The following PGM5 variants were observed in gnomAD, a reference collection of about 807,000 sequenced individuals.
PGM5 encodes the protein phosphoglucomutase 5.
PGM5 carries 23 observed loss-of-function variants against 59.2 expected under a neutral mutation model. That is an observed-to-expected ratio of 0.39 (90% confidence interval 0.28 to 0.55). The LOEUF (loss-of-function observed/expected upper bound fraction) is 0.55. Ranked by LOEUF, PGM5 falls within the 20% of genes least tolerant of loss-of-function variation. The probability of loss-of-function intolerance (pLI) is 0.66; values close to 1 mark genes in which losing one functional copy is unlikely to be tolerated. For synonymous variants in PGM5, 214 were observed against 286.0 expected, an observed-to-expected ratio of 0.75 and a Z score of 2.54; for missense variants, 574 against 748.3, an observed-to-expected ratio of 0.77 and a Z score of 2.72.
chr9:68,447,748 C>G (rs1554684099), intron 6 of PGM5, among the ~76,000 whole-genome samples: 1 of 152,122 alleles, frequency 6.6e-6, no homozygotes, highest in African/African-American at 2.4e-5. Flanking sequence ...TCCAGAAATA[C>G]CCATAGAGGT....
At chr9:68,395,650 T>C (rs1436038627) in intron 6 of PGM5, 2 of 152,216 alleles carry the variant, frequency 1.3e-5, no homozygotes, top group Non-Finnish European at 2.9e-5. Flanking sequence ...AGAGATCTTA[T>C]ACAATTTTTG....
intron 7 of PGM5, among the ~76,000 whole-genome samples, chr9:68,476,922 G>T (rs1447937787): frequency 6.6e-6 from 1 of 152,112 alleles, no homozygotes; most frequent in African/African-American, 2.4e-5. Context: ...GGAGTTCGAA[G>T]GTATGCAAAG....
intron 6 of PGM5, among the ~76,000 whole-genome samples, chr9:68,452,707 A>C (rs1312633646): frequency 6.6e-6 from 1 of 152,204 alleles, no homozygotes; most frequent in Non-Finnish European, 1.5e-5. Context: ...TGTCAGCCAC[A>C]TTCACTAGCC....
chr9:68,499,449 A>G, intron 10 of PGM5, 88 bp downstream of exon 10: 2 of 1,330,588 alleles, frequency 1.5e-6, no homozygotes, highest in Non-Finnish European at 1.0e-6. Flanking sequence ...GGGCTATTTT[A>G]CCTCCTGGAA....
intron 6 of PGM5, among the ~76,000 whole-genome samples, chr9:68,404,121 G>GATGTT (rs1554680916): frequency 6.6e-6 from 1 of 151,942 alleles, no homozygotes; most frequent in African/African-American, 2.4e-5. Flanking sequence ...CCTTCTAGAG[G>GATGTT]TTGTTTTGTT....
chr9:68,398,348 C>T (rs1204787442), intron 6 of PGM5: 2 of 151,996 alleles, frequency 1.3e-5, no homozygotes, highest in Non-Finnish European at 2.9e-5. Context: ...AAAGGTCTTA[C>T]TAAAGAGAAT....
chr9:68,393,523 A>G (rs1587788915), intron 6 of PGM5, among the ~76,000 whole-genome samples: 1 of 152,000 alleles, frequency 6.6e-6, no homozygotes, highest in Non-Finnish European at 1.5e-5. Flanking sequence ...AGGTGGGAGG[A>G]TCACTTGAGG....
chr9:68,371,842 T>G (rs548955162), intron 1 of PGM5: 1 of 152,228 alleles, frequency 6.6e-6, no homozygotes, highest in East Asian at 1.9e-4. Context: ...AGAGAAGACA[T>G]AGACACGCAG....
intron 6 of PGM5, among the ~76,000 whole-genome samples, chr9:68,404,270 G>A (rs564001295): frequency 6.6e-6 from 1 of 152,270 alleles, no homozygotes; most frequent in South Asian, 2.1e-4. Flanking sequence ...GGGATTACAG[G>A]CATGTGACAC....
At chr9:68,471,960 G>A (rs572407925) in intron 7 of PGM5, among the ~76,000 whole-genome samples, 5 of 141,336 alleles carry the variant, frequency 3.5e-5, no homozygotes, top group Admixed American at 7.0e-5. Flanking sequence ...GTTCCTATCT[G>A]CCTTGGTGAC....
intron 6 of PGM5, among the ~76,000 whole-genome samples, chr9:68,438,894 T>C (rs1823482655): frequency 6.6e-6 from 1 of 152,110 alleles, no homozygotes; most frequent in Non-Finnish European, 1.5e-5. Flanking sequence ...CTTTCTCTTC[T>C]TTACTCTCTG....
intron 6 of PGM5, among the ~76,000 whole-genome samples, chr9:68,423,788 G>C (rs1358973492): frequency 6.6e-6 from 1 of 152,062 alleles, no homozygotes; most frequent in Non-Finnish European, 1.5e-5. Flanking sequence ...ATGTTCCTCT[G>C]CATGGGAAAA....
At chr9:68,495,101 G>T (rs1478482421) in intron 9 of PGM5, among the ~76,000 whole-genome samples, 1 of 152,202 alleles carries the variant, frequency 6.6e-6, no homozygotes, top group African/African-American at 2.4e-5. Context: ...CCCAGAGCTT[G>T]TTAGCTAATG....
At chr9:68,452,988 C>G (rs1554684509) in intron 6 of PGM5, among the ~76,000 whole-genome samples, 1 of 152,162 alleles carries the variant, frequency 6.6e-6, no homozygotes, top group East Asian at 1.9e-4. Flanking sequence ...TCCCTTGGAC[C>G]CCACCACTAT....
At chr9:68,380,184 C>A (rs1822032258) in intron 2 of PGM5, among the ~76,000 whole-genome samples, 2 of 151,972 alleles carry the variant, frequency 1.3e-5, no homozygotes, top group South Asian at 4.1e-4. Context: ...CCAGGATAGA[C>A]CATATGTTAG....
At chr9:68,376,835 C>CT (rs1444330149) in intron 1 of PGM5, among the ~76,000 whole-genome samples, 22 of 58,598 alleles carry the variant, frequency 3.8e-4, no homozygotes, top group Admixed American at 5.8e-4. Flanking sequence ...CTTTCTTTCT[C>CT]TTTCTTTCTT....
chr9:68,478,492 C>T (rs1329401223), intron 7 of PGM5, among the ~76,000 whole-genome samples: 1 of 152,230 alleles, frequency 6.6e-6, no homozygotes, highest in African/African-American at 2.4e-5. Context: ...TAACAAATCA[C>T]CACCAACTGG....
At chr9:68,426,052 C>T (rs2132051902) in intron 6 of PGM5, among the ~76,000 whole-genome samples, 1 of 152,212 alleles carries the variant, frequency 6.6e-6, no homozygotes, top group Non-Finnish European at 1.5e-5. Context: ...TTTAAGCTGA[C>T]TTTACTATCA....
intron 7 of PGM5, among the ~76,000 whole-genome samples, chr9:68,474,706 C>A (rs1281525300): frequency 7.9e-5 from 12 of 151,498 alleles, no homozygotes; most frequent in Non-Finnish European, 1.2e-4. Flanking sequence ...GGGCTTTGGG[C>A]TGGGCTAGGT....
Sources: allele counts gnomAD v4.1 joint callset (sites outside exome capture counted in the v4.1 genomes callset), GRCh38; gene constraint gnomAD v4.1.1; transcripts MANE v1.5; gene names NCBI Gene and HGNC (gene_info 2026-07-23, HGNC 2026-07-21).